The following TGFBRAP1 variants were observed in gnomAD, a reference collection of about 807,000 sequenced individuals.
The protein encoded by TGFBRAP1 is transforming growth factor beta receptor associated protein 1.
In TGFBRAP1, 20 loss-of-function variants were observed where a neutral mutation model predicts 83.2. The observed-to-expected ratio is 0.24, with a 90% CI of 0.17 to 0.35. The LOEUF is 0.35. TGFBRAP1 is among the 10% of genes least tolerant of loss of function. TGFBRAP1 has a pLI of 1.00. For synonymous variants in TGFBRAP1, 415 were observed against 459.8 expected (o/e 0.90, Z 1.25); for missense variants, 950 against 1,099.4 (o/e 0.86, Z 1.92).
downstream of TGFBRAP1, among the ~76,000 whole-genome samples, chr2:105,263,242 G>A (rs978030746): frequency 2.0e-5 from 3 of 152,300 alleles, no homozygotes; most frequent in East Asian, 1.9e-4. Flanking sequence ...ATGCTAATGG[G>A]CCTTCAGATA....
intron 1 of TGFBRAP1, among the ~76,000 whole-genome samples, chr2:105,320,786 T>C (rs982760625): frequency 6.6e-6 from 1 of 152,210 alleles, no homozygotes; most frequent in Non-Finnish European, 1.5e-5. Context: ...TCCAAGGCAC[T>C]CCACAAACCA....
chr2:105,278,656 T>C lies in TGFBRAP1; in HGVS notation c.1464-985A>G, dbSNP rs74998598. On this transcript the variant is annotated intron_variant, in intron 6 of 11. Transcript: ENST00000393359. ...GAGCCCTCAGCACCCTCCCAAAGTC[T>C]GCAAGGGTGCCACACTCCTGGTCCT... 9.8e-3 allele frequency among the ~76,000 whole-genome samples: 1,487 copies of C among 152,296 alleles called. 14 individuals carry two copies. The highest frequency in any genetic ancestry group is 0.034 in the African/African-American group (1,394 of 41,562).
chr2:105,250,874 T>C, the TGFBRAP1 span, among the ~76,000 whole-genome samples: 8 of 152,246 alleles, frequency 5.3e-5, no homozygotes, highest in Admixed American at 1.3e-4. Context: ...CGGGCTGGTC[T>C]CCAGCTCCTA....
intron 1 of TGFBRAP1, among the ~76,000 whole-genome samples, chr2:105,311,770 A>C (rs750150570): frequency 1.3e-5 from 2 of 151,704 alleles, no homozygotes; most frequent in African/African-American, 4.8e-5. Flanking sequence ...TTAGCCAGGC[A>C]TGGTGGCGGG....
intron 1 of TGFBRAP1, among the ~76,000 whole-genome samples, chr2:105,311,976 T>C (rs1044993657): frequency 5.3e-5 from 8 of 152,162 alleles, no homozygotes; most frequent in Non-Finnish European, 1.2e-4. Flanking sequence ...CATGATCTAA[T>C]TCACATGATA....
chr2:105,297,527 A>G (rs951057154), intron 3 of TGFBRAP1, among the ~76,000 whole-genome samples: 1 of 152,246 alleles, frequency 6.6e-6, no homozygotes, highest in Non-Finnish European at 1.5e-5. Flanking sequence ...TCCTATAAGC[A>G]TCTATAAGAC....
At chr2:105,308,461 T>C in intron 1 of TGFBRAP1, 143 bp from the exon 2 acceptor site, 2 of 896,826 alleles carry the variant, frequency 2.2e-6, no homozygotes, top group South Asian at 1.8e-5. Flanking sequence ...AAAGAAACCA[T>C]TTCCCCACAG....
chr2:105,280,545 C>T lies in TGFBRAP1; in HGVS notation c.1300G>A (p.Glu434Lys), dbSNP rs1190191391. Residue 434 changes from glutamate (E) to lysine (K), a missense_variant, in exon 6 of 12, where the codon GAG becomes AAG. Transcript: ENST00000393359. ...TTTGCTACCTCTGTGCTGCGGACCT[C>T]GTTCAGGTAGCTCATGAGGAAGCGT... ...CKRFLMSYLN[E>K]VRSTEVANGY... 6.2e-7 allele frequency: 1 copy of T among 1,614,022 alleles called. No individual in the cohort carries two copies. Among genetic ancestry groups the T allele is most frequent in the Non-Finnish European group, 8.5e-7 (1 of 1,180,046 alleles).
At chr2:105,298,816 C>T in intron 2 of TGFBRAP1, 111 bp from the exon 3 acceptor site, 2 of 993,834 alleles carry the variant, frequency 2.0e-6, no homozygotes, top group Non-Finnish European at 2.8e-6. Context: ...TTTTCCTGTA[C>T]AGTCTTATAT....
intron 6 of TGFBRAP1, among the ~76,000 whole-genome samples, chr2:105,278,117 T>A (rs1035827020): frequency 6.8e-6 from 1 of 146,320 alleles, no homozygotes; most frequent in African/African-American, 2.5e-5. Flanking sequence ...TGTGTGTAGT[T>A]CAACAACAAC....
intron 1 of TGFBRAP1, among the ~76,000 whole-genome samples, chr2:105,321,732 A>T (rs547376758): frequency 6.6e-6 from 1 of 152,322 alleles, no homozygotes; most frequent in African/African-American, 2.4e-5. Flanking sequence ...AATTCCTATC[A>T]CCTAGTGACA....
chr2:105,251,107 C>T, the TGFBRAP1 span, among the ~76,000 whole-genome samples: 21 of 150,880 alleles, frequency 1.4e-4, no homozygotes, highest in Admixed American at 7.2e-4. Context: ...ATCTCTGCCC[C>T]GCCGCCCATC....
intron 4 of TGFBRAP1, among the ~76,000 whole-genome samples, chr2:105,290,615 C>CTGTGTGTG (rs201513561): frequency 0.016 from 1,696 of 103,838 alleles, 27 homozygotes; most frequent in East Asian, 0.042. Context: ...AACAGAGAGA[C>CTGTGTGTG]AGTGTGTGTG....
chr2:105,316,462 T>TGTGTGTGTGCGCGCGCGC (rs1177329674), intron 1 of TGFBRAP1, among the ~76,000 whole-genome samples: 9 of 84,806 alleles, frequency 1.1e-4, no homozygotes, highest in African/African-American at 3.8e-4. Flanking sequence ...TGTGTGTGTG[T>TGTGTGTGTGCGCGCGCGC]GCGCGCGCGC....
chr2:105,320,148 C>T (rs753586871), intron 1 of TGFBRAP1, among the ~76,000 whole-genome samples: 2 of 152,102 alleles, frequency 1.3e-5, no homozygotes, highest in African/African-American at 4.8e-5. Flanking sequence ...TGGTGTCCTA[C>T]GTGTCTGCAA....
chr2:105,287,671 C>G (rs1288785061), intron 4 of TGFBRAP1, among the ~76,000 whole-genome samples: 1 of 152,138 alleles, frequency 6.6e-6, no homozygotes, highest in Non-Finnish European at 1.5e-5. Flanking sequence ...GCCGTCACAA[C>G]AGTGCCTGGC....
At chr2:105,278,862 G>T (rs1019902218) in intron 6 of TGFBRAP1, among the ~76,000 whole-genome samples, 2 of 152,058 alleles carry the variant, frequency 1.3e-5, no homozygotes, top group African/African-American at 4.8e-5. Context: ...AGGTGGCAGT[G>T]TGTTTTCTGG....
chr2:105,298,141 C>T (rs1330719608), intron 3 of TGFBRAP1, among the ~76,000 whole-genome samples: 1 of 152,124 alleles, frequency 6.6e-6, no homozygotes, highest in African/African-American at 2.4e-5. Flanking sequence ...GATTCGCATA[C>T]ACCTTTCTCT....
intron 7 of TGFBRAP1, among the ~76,000 whole-genome samples, chr2:105,276,201 C>G (rs1677337564): frequency 6.6e-6 from 1 of 152,204 alleles, no homozygotes; most frequent in African/African-American, 2.4e-5. Flanking sequence ...CCTGAGTTCA[C>G]ACTGCCTTTT....
Sources: allele counts gnomAD v4.1 joint callset (sites outside exome capture counted in the v4.1 genomes callset), GRCh38; gene constraint gnomAD v4.1.1; transcripts MANE v1.5; gene names NCBI Gene and HGNC (gene_info 2026-07-23, HGNC 2026-07-21).